BMPR2: variants seen among roughly 807,000 people sequenced by gnomAD.
BMPR2 encodes the protein bone morphogenetic protein receptor type-2.
Under a neutral mutation model 100.8 loss-of-function variants are expected in BMPR2, and 29 were observed. That is an observed-to-expected ratio of 0.29 (90% CI 0.21 to 0.39). The LOEUF is 0.39. Ranked by LOEUF, BMPR2 falls within the 10% of genes least tolerant of loss-of-function variation. BMPR2 has a pLI of 1.00. For synonymous variants in BMPR2, 382 were observed against 442.3 expected (o/e 0.86, Z 1.71); for missense variants, 1,011 against 1,274.5 (o/e 0.79, Z 3.15).
At position 202,532,769 on chromosome 2, in the gene BMPR2, T is replaced by C; in HGVS notation, c.1276+37T>C. ...TGTCAAAAGTTGATATTTTTTGAAG[T>C]GAAGCAGTTATATCTTCTTTCTCTA... On this transcript the variant is annotated intron_variant, in intron 9 of 12. Transcript: ENST00000374580. This position sits in a 1 kb window ranked among gnomAD's most constrained non-coding sequence, Gnocchi z 4.1. The C allele has an allele frequency of 6.3e-7, 1 of 1,599,800 alleles. No individual in the cohort carries two copies. The highest frequency in any genetic ancestry group is 2.2e-5 in the East Asian group (1 of 44,774).
intron 3 of BMPR2, among the ~76,000 whole-genome samples, chr2:202,471,705 C>T (rs750459756): frequency 2.6e-5 from 4 of 152,058 alleles, no homozygotes; most frequent in Non-Finnish European, 4.4e-5. Flanking sequence ...AAAGACTGGA[C>T]GACTAGGCAG....
chr2:202,378,109 A>G (rs1690190638), intron 1 of BMPR2, among the ~76,000 whole-genome samples: 1 of 152,190 alleles, frequency 6.6e-6, no homozygotes, highest in Admixed American at 6.5e-5. Context: ...TTCTTGATAT[A>G]TTGTATTATA....
chr2:202,458,033 T>C (rs1692154635), intron 1 of BMPR2, among the ~76,000 whole-genome samples: 4 of 152,088 alleles, frequency 2.6e-5, no homozygotes, highest in Admixed American at 2.6e-4. Flanking sequence ...GCCCAGACTT[T>C]ACTTGTTTTT....
chr2:202,531,966 GTC>G (rs1247623611), intron 8 of BMPR2, among the ~76,000 whole-genome samples: 14 of 98,400 alleles, frequency 1.4e-4, no homozygotes, highest in African/African-American at 4.6e-4. Flanking sequence ...TTGAGACGGA[GTC>G]TCTCTCTGTC....
At chr2:202,518,751 A>T in intron 5 of BMPR2, 71 bp from the exon 6 acceptor site, 1 of 1,192,722 alleles carries the variant, frequency 8.4e-7, no homozygotes, top group Non-Finnish European at 1.2e-6. Context: ...TTAAATTTGT[A>T]CTTTATTATT....
chr2:202,395,345 A>G (rs796172755), intron 1 of BMPR2, among the ~76,000 whole-genome samples: 12 of 152,348 alleles, frequency 7.9e-5, no homozygotes, highest in African/African-American at 2.9e-4. Context: ...AATTGTGTAT[A>G]AGGAATGTGT....
intron 1 of BMPR2, among the ~76,000 whole-genome samples, chr2:202,409,558 TAAAACA>T (rs960654040): frequency 8.6e-5 from 13 of 151,934 alleles, no homozygotes; most frequent in African/African-American, 2.7e-4. Context: ...CTCTATTAAT[TAAAACA>T]AAAACAAAAA....
chr2:202,387,714 A>AC (rs1306815493), intron 1 of BMPR2, among the ~76,000 whole-genome samples: 1 of 152,242 alleles, frequency 6.6e-6, no homozygotes, highest in Non-Finnish European at 1.5e-5. Flanking sequence ...AGTTTTGGAA[A>AC]AGAACACCAG....
At chr2:202,418,592 A>T (rs901068808) in intron 1 of BMPR2, among the ~76,000 whole-genome samples, 1 of 152,240 alleles carries the variant, frequency 6.6e-6, no homozygotes, top group African/African-American at 2.4e-5. Flanking sequence ...CAACACATGT[A>T]AGGTGAACAT....
At chr2:202,471,912 TTGTGTG>T (rs111523279) in intron 3 of BMPR2, among the ~76,000 whole-genome samples, 13 of 147,842 alleles carry the variant, frequency 8.8e-5, no homozygotes, top group East Asian at 5.9e-4. Context: ...CAAAAAAAGA[TTGTGTG>T]TGTGTGTGTG....
Position 202,560,050 on chromosome 2 carries a change from C to A in BMPR2, c.*104C>A. 7.3e-7 allele frequency: 1 copy of A among 1,369,098 alleles called. No individual in the cohort carries two copies. The highest frequency in any genetic ancestry group is 1.0e-6 in the Non-Finnish European group (1 of 996,154). 84.8% of individuals were successfully genotyped at this position (1,369,098 alleles called of 1,614,324 possible). A position where few individuals can be genotyped will look rare whatever the true frequency, so the allele number is the denominator to read the frequency against. On this transcript the variant is annotated 3_prime_UTR_variant, in exon 13 of 13. Coordinates refer to ENST00000374580, the MANE Select transcript of BMPR2 (RefSeq NM_001204.7). ...ACTGCTTTATCCTCCTGTCAGCACC[C>A]CCTCCCACCCCTGCAACAAAGACTT...
chr2:202,425,494 G>T (rs948860238), intron 1 of BMPR2, among the ~76,000 whole-genome samples: 5 of 152,290 alleles, frequency 3.3e-5, no homozygotes, highest in African/African-American at 9.6e-5. Flanking sequence ...TTTACACATT[G>T]AGTTGGGTTA....
chr2:202,468,706 A>G (rs1692373436), intron 3 of BMPR2, among the ~76,000 whole-genome samples: 1 of 152,232 alleles, frequency 6.6e-6, no homozygotes, highest in Admixed American at 6.5e-5. Context: ...GAAATATACT[A>G]TGGTACATAC....
chr2:202,535,777 C>T (rs1273037703), intron 9 of BMPR2, among the ~76,000 whole-genome samples: 1 of 152,214 alleles, frequency 6.6e-6, no homozygotes, highest in African/African-American at 2.4e-5. Context: ...CACGCCACTG[C>T]ACTCCAGCCT....
At chr2:202,462,444 C>T (rs1692241283) in intron 1 of BMPR2, among the ~76,000 whole-genome samples, 1 of 152,044 alleles carries the variant, frequency 6.6e-6, no homozygotes, top group African/African-American at 2.4e-5. Context: ...TGGTCTCAAA[C>T]TCCTGACCTC....
intron 1 of BMPR2, among the ~76,000 whole-genome samples, chr2:202,398,370 G>T (rs1222115027): frequency 6.6e-6 from 1 of 152,092 alleles, no homozygotes; most frequent in Admixed American, 6.6e-5. Context: ...TCTAATTGCA[G>T]GTGAAAACAA....
rs937250677 is a variant in BMPR2, at chr2:202,376,933, GAAGGAAGCACCGAAGCGAAACTT to G, written c.-535_-513del. ...GATTTGTTGTTTTCGAAATCAGAGTGAAGGAAGCACCGAAGCGAAACTTAAGGAATCCTGCCTTCCCGGAGCCG... is the reference window on the plus strand; with the variant it reads ...GATTTGTTGTTTTCGAAATCAGAGTGAAGGAATCCTGCCTTCCCGGAGCCG... On this transcript the variant is annotated 5_prime_UTR_variant, in exon 1 of 13. Transcript: ENST00000374580. The G allele has an allele frequency of 4.5e-6, 2 of 445,936 alleles. No homozygotes were observed. Among genetic ancestry groups the G allele is most frequent in the African/African-American group, 4.1e-5 (2 of 49,332 alleles). 27.6% of individuals were successfully genotyped at this position (445,936 alleles called of 1,614,324 possible). A position where few individuals can be genotyped will look rare whatever the true frequency, so the allele number is the denominator to read the frequency against.
intron 1 of BMPR2, among the ~76,000 whole-genome samples, chr2:202,438,603 G>A (rs75346319): frequency 0.015 from 2,242 of 150,534 alleles, 262 homozygotes; most frequent in African/African-American, 0.052. Context: ...ATTACGTTTT[G>A]CGTTTCTGAT....
At chr2:202,456,795 A>G (rs1459644227) in intron 1 of BMPR2, among the ~76,000 whole-genome samples, 3 of 152,250 alleles carry the variant, frequency 2.0e-5, no homozygotes, top group Admixed American at 6.5e-5. Flanking sequence ...GATTACAGGT[A>G]TGAGCCACTG....
Sources: gnomAD v4.1 joint callset for allele counts (sites outside exome capture counted in the v4.1 genomes callset) on GRCh38, gnomAD v4.1.1 for gene constraint, Gnocchi (gnomAD v3.1) non-coding constraint, MANE v1.5 for transcripts, NCBI Gene and HGNC (gene_info 2026-07-23, HGNC 2026-07-21) for gene names.